Variants in LHPP observed in about 807,000 individuals in gnomAD.
LHPP encodes the protein hLHPP.
A neutral mutation model predicts 30.3 loss-of-function variants in LHPP; 24 were observed. The observed-to-expected ratio is 0.79, with a 90% CI of 0.57 to 1.11. The LOEUF (loss-of-function observed/expected upper bound fraction) is 1.11, where lower values mean the gene tolerates loss of function less well. Ranked by LOEUF, LHPP falls within the 50% of genes most tolerant of loss-of-function variation. LHPP has a pLI of 0.00. For missense variants in LHPP, 356 were observed against 367.2 expected (o/e 0.97, Z 0.25); for synonymous variants, 150 against 157.1 (o/e 0.95, Z 0.34).
chr10:124,556,223 C>A (rs1308036180), intron 6 of LHPP, among the ~76,000 whole-genome samples: 1 of 152,176 alleles, frequency 6.6e-6, no homozygotes, highest in African/African-American at 2.4e-5. Context: ...GGGTGTCCAC[C>A]TTCCAAACTG....
intron 6 of LHPP, among the ~76,000 whole-genome samples, chr10:124,556,157 G>A (rs1443336085): frequency 3.3e-5 from 5 of 152,034 alleles, no homozygotes; most frequent in African/African-American, 9.7e-5. Context: ...GAAAGGCAGA[G>A]GGTAAACCAC....
chr10:124,472,013 T>C (rs1484064026), intron 1 of LHPP, among the ~76,000 whole-genome samples: 2 of 151,924 alleles, frequency 1.3e-5, no homozygotes, highest in Non-Finnish European at 2.9e-5. Context: ...GAAGTGTTTT[T>C]ATGAATAACA....
rs765680762 is a variant in LHPP, at chr10:124,488,577, T to C, written c.467+2T>C. On this transcript the variant is annotated splice_donor_variant, in intron 3 of 6. Transcript: ENST00000368842. LOFTEE classifies it high-confidence loss of function. ...TGTGCTCATATCACTGGGAAAAGGG[T>C]AAGTTGGCTCCAGGGAGAGTCATTT... The C allele has an allele frequency of 6.2e-7, 1 of 1,607,514 alleles. No individual in the cohort carries two copies. Among genetic ancestry groups the C allele is most frequent in the South Asian group, 1.1e-5 (1 of 90,132 alleles).
chr10:124,551,939 C>T (rs1264551807), intron 6 of LHPP, among the ~76,000 whole-genome samples: 3 of 152,156 alleles, frequency 2.0e-5, no homozygotes, highest in Non-Finnish European at 2.9e-5. Flanking sequence ...GTGCTGAGGC[C>T]CAGGGCCCTG....
rs565373497 is a variant in LHPP at position 124,498,279 on chromosome 10, G to C, written c.624+151G>C. ...TGTGAAAGCTGACCTGGCTGGGAAGGAGGGGGAAGACAGCAAACGAAATCC... is the reference window on the plus strand; with the variant it reads ...TGTGAAAGCTGACCTGGCTGGGAAGCAGGGGGAAGACAGCAAACGAAATCC... On this transcript the variant is annotated intron_variant, in intron 5 of 6. Coordinates refer to ENST00000368842, the MANE Select transcript of LHPP (RefSeq NM_022126.4). 5.1e-6 allele frequency: 8 copies of C among 1,556,234 alleles called. No individual in the cohort carries two copies. In the East Asian group the frequency reaches 1.6e-4, roughly 31 times the overall value.
intron 6 of LHPP, among the ~76,000 whole-genome samples, chr10:124,527,512 C>A (rs1223534684): frequency 1.3e-5 from 2 of 152,212 alleles, no homozygotes; most frequent in Non-Finnish European, 1.5e-5. Flanking sequence ...GACAAGGCCC[C>A]CTACTCCAGC....
chr10:124,543,591 T>A (rs2133948013), intron 6 of LHPP, among the ~76,000 whole-genome samples: 1 of 152,310 alleles, frequency 6.6e-6, no homozygotes, highest in Admixed American at 6.5e-5. Context: ...GGAGTTCAGC[T>A]GCCCATGGTG....
intron 6 of LHPP, among the ~76,000 whole-genome samples, chr10:124,549,348 A>T (rs1955424690): frequency 6.6e-6 from 1 of 151,964 alleles, no homozygotes; most frequent in Non-Finnish European, 1.5e-5. Context: ...CAGGAGGATC[A>T]CTTGAGCTCA....
intron 1 of LHPP, among the ~76,000 whole-genome samples, chr10:124,481,714 C>T (rs956781490): frequency 1.3e-5 from 2 of 152,138 alleles, no homozygotes; most frequent in African/African-American, 4.8e-5. Context: ...CCACTCCAGC[C>T]TCATTTCCTG....
In LHPP at chr10:124,496,772, C is replaced by T. The variant is rs760193851; in HGVS notation, c.468-189C>T. Among the ~76,000 whole-genome samples, 5 of 152,222 alleles carry T rather than the reference C, an allele frequency of 3.3e-5. No individual in the cohort carries two copies. Among genetic ancestry groups the T allele is most frequent in the Admixed American group, 2.0e-4 (3 of 15,288 alleles). On this transcript the variant is annotated intron_variant, in intron 3 of 6. Transcript: ENST00000368842. The surrounding 1 kb of genome is among the most constrained non-coding windows in gnomAD (Gnocchi z 4.3). ...GCTGCGCTCGCCCCACTGGGTGTGG[C>T]GGCCTGCCGCCCGGCTCTGTGGTGC...
At chr10:124,561,973 C>T (rs954066355) in intron 6 of LHPP, among the ~76,000 whole-genome samples, 1 of 152,148 alleles carries the variant, frequency 6.6e-6, no homozygotes. Context: ...TGCAAATATG[C>T]TCAAAACAAA....
intron 1 of LHPP, among the ~76,000 whole-genome samples, chr10:124,481,373 CT>C (rs34839158): frequency 0.15 from 13,117 of 84,796 alleles, 610 homozygotes; most frequent in African/African-American, 0.22. Flanking sequence ...TATCTGCCCC[CT>C]TTTTTTTTTT....
At chr10:124,598,152 C>G (rs911805163) in intron 6 of LHPP, among the ~76,000 whole-genome samples, 5 of 152,230 alleles carry the variant, frequency 3.3e-5, no homozygotes, top group Admixed American at 6.5e-5. Flanking sequence ...ACCAAGTGAG[C>G]GGAAGCATGG....
chr10:124,605,796 C>T (rs531273797), intron 6 of LHPP, among the ~76,000 whole-genome samples: 63 of 146,746 alleles, frequency 4.3e-4, no homozygotes, highest in African/African-American at 1.5e-3. Flanking sequence ...GGAAGCCACT[C>T]TGGCTGCAAA....
chr10:124,547,954 G>A (rs1955394048), intron 6 of LHPP, among the ~76,000 whole-genome samples: 1 of 152,264 alleles, frequency 6.6e-6, no homozygotes, highest in South Asian at 2.1e-4. Context: ...GGCAGCCTCT[G>A]GGCTCCCGCC....
rs1244997574 is a variant in LHPP, at chr10:124,576,637, G to T, written c.717-36627G>T. Among the ~76,000 whole-genome samples the T allele has an allele frequency of 6.6e-6, 1 of 151,962 alleles. No individual in the cohort carries two copies. Reference sequence around the variant, plus strand: ...TGCCCCCAGGCCTGCTGGTAATATGGGATACAGAGGTCTCCTCACTGCACA... The same window carrying T: ...TGCCCCCAGGCCTGCTGGTAATATGTGATACAGAGGTCTCCTCACTGCACA... On this transcript the variant is annotated intron_variant, in intron 6 of 6. Transcript: ENST00000368842. This position sits in a 1 kb window ranked among gnomAD's most constrained non-coding sequence, Gnocchi z 4.2.
At chr10:124,580,898 T>C (rs931181224) in intron 6 of LHPP, among the ~76,000 whole-genome samples, 1 of 152,174 alleles carries the variant, frequency 6.6e-6, no homozygotes, top group African/African-American at 2.4e-5. Flanking sequence ...TTTGTATTTT[T>C]AGTAGAGACG....
At chr10:124,477,582 G>A (rs11245102) in intron 1 of LHPP, among the ~76,000 whole-genome samples, 20,929 of 152,050 alleles carry the variant, frequency 0.14, 1,849 homozygotes, top group Non-Finnish European at 0.19. Context: ...AAGTGGGCCC[G>A]TCAGATCTGG....
chr10:124,586,717 A>C (rs960268124), intron 6 of LHPP, among the ~76,000 whole-genome samples: 13 of 152,298 alleles, frequency 8.5e-5, no homozygotes, highest in African/African-American at 2.6e-4. Context: ...CCGAGGCGAG[A>C]AGGACCACAA....
Sources: allele counts gnomAD v4.1 joint callset (sites outside exome capture counted in the v4.1 genomes callset), GRCh38; gene constraint gnomAD v4.1.1; non-coding constraint Gnocchi (gnomAD v3.1); transcripts MANE v1.5; gene names NCBI Gene and HGNC (gene_info 2026-07-23, HGNC 2026-07-21).